Variants in SRR observed in about 807,000 individuals in gnomAD.
SRR encodes the protein serine racemase.
SRR carries 19 observed loss-of-function variants against 32.7 expected under a neutral mutation model. That is an observed-to-expected ratio of 0.58 (90% confidence interval 0.40 to 0.85). The LOEUF (loss-of-function observed/expected upper bound fraction) is 0.85, where lower values mean the gene tolerates loss of function less well. Among genes scored for constraint, SRR ranks in the 40% least tolerant of loss-of-function variants. The probability of loss-of-function intolerance (pLI) is 0.00; values close to 1 mark genes in which losing one functional copy is unlikely to be tolerated. For missense variants in SRR, 373 were observed against 404.7 expected (o/e 0.92, Z 0.67); for synonymous variants, 142 against 140.9 (o/e 1.01, Z -0.06).
chr17:2,315,832 G>T, intron 2 of SRR, 104 bp downstream of exon 2: 1 of 1,107,852 alleles, frequency 9.0e-7, no homozygotes, highest in Admixed American at 2.7e-5. Flanking sequence ...GTAAATTAAT[G>T]CCTTTATACA....
intron 1 of SRR, among the ~76,000 whole-genome samples, chr17:2,310,523 CATTT>C (rs2075425926): frequency 6.6e-6 from 1 of 151,880 alleles, no homozygotes; most frequent in African/African-American, 2.4e-5. Flanking sequence ...GCATAATTGA[CATTT>C]ATTCATAAAA....
intron 2 of SRR, 146 bp from the exon 3 acceptor site, chr17:2,317,724 T>C (rs1459864869): frequency 2.3e-5 from 19 of 815,540 alleles, no homozygotes; most frequent in Non-Finnish European, 3.3e-5. Context: ...AAAATAAAGA[T>C]GCACATGAGA....
chr17:2,304,333 C>T (rs12947310), intron 1 of SRR, among the ~76,000 whole-genome samples: 2 of 74,890 alleles, frequency 2.7e-5, no homozygotes, highest in African/African-American at 1.0e-4. Flanking sequence ...CTCACTGCAA[C>T]CTCTGCCTCC....
intron 6 of SRR, chr17:2,322,803 A>G (rs922684286): frequency 7.3e-5 from 23 of 316,904 alleles, no homozygotes; most frequent in African/African-American, 4.8e-4. Context: ...GGCGTGAGCC[A>G]CTGCGCCCCA....
intron 4 of SRR, among the ~76,000 whole-genome samples, chr17:2,319,313 C>T (rs1415857064): frequency 2.6e-5 from 4 of 152,082 alleles, no homozygotes; most frequent in African/African-American, 9.7e-5. Context: ...CTTCTAGTTA[C>T]TCAAAAAAAA....
chr17:2,310,617 C>T (rs1054954466), intron 1 of SRR, among the ~76,000 whole-genome samples: 56 of 151,684 alleles, frequency 3.7e-4, no homozygotes, highest in African/African-American at 1.3e-3. Flanking sequence ...CTCACTCTGT[C>T]GCCCAGGCTG....
intron 1 of SRR, among the ~76,000 whole-genome samples, chr17:2,310,510 G>A (rs1015980269): frequency 3.3e-5 from 5 of 151,858 alleles, no homozygotes; most frequent in African/African-American, 9.7e-5. Context: ...TCCTGCCAAG[G>A]GGGCATAATT....
rs762276377 is a variant in SRR at position 2,324,191 on chromosome 17, A to G, written c.*318A>G. The G allele has an allele frequency of 5.3e-6, 8 of 1,516,620 alleles. No individual in the cohort carries two copies. The highest frequency in any genetic ancestry group is 4.7e-5 in the Admixed American group (2 of 42,988). The allele number at this position is 1,516,620 out of a possible 1,614,324, so 93.9% of individuals were successfully genotyped here. A position where few individuals can be genotyped will look rare whatever the true frequency, so the allele number is the denominator to read the frequency against. Reference sequence around the variant, plus strand: ...CACCGGTAAGACAGAATCTCTTTGAATCCATTACTCCATGCCCCCTTGAGG... The same window carrying G: ...CACCGGTAAGACAGAATCTCTTTGAGTCCATTACTCCATGCCCCCTTGAGG... On this transcript the variant is annotated 3_prime_UTR_variant, in exon 8 of 8. Transcript: ENST00000344595.
chr17:2,320,779 C>T (rs2075521630), intron 4 of SRR, among the ~76,000 whole-genome samples: 1 of 152,146 alleles, frequency 6.6e-6, no homozygotes, highest in Non-Finnish European at 1.5e-5. Context: ...CAAGGCTGGT[C>T]TTGAACTCCT....
At chr17:2,318,991 C>T in intron 4 of SRR, 62 bp downstream of exon 4, 1 of 1,162,362 alleles carries the variant, frequency 8.6e-7, no homozygotes, top group Non-Finnish European at 1.3e-6. Context: ...GCTCTTTCTA[C>T]CTTACTGGCT....
chr17:2,319,189 A>G (rs1218150252), intron 4 of SRR, among the ~76,000 whole-genome samples: 1 of 152,060 alleles, frequency 6.6e-6, no homozygotes, highest in Non-Finnish European at 1.5e-5. Flanking sequence ...TAACTTTCCC[A>G]CTTGATGTCT....
intron 3 of SRR, 138 bp from the exon 4 acceptor site, chr17:2,318,688 T>A: frequency 2.0e-6 from 1 of 499,424 alleles, no homozygotes. Flanking sequence ...GCCAGGATGG[T>A]CTCAATTTCC....
intron 2 of SRR, among the ~76,000 whole-genome samples, chr17:2,316,139 C>T (rs2075471061): frequency 6.6e-6 from 1 of 152,062 alleles, no homozygotes; most frequent in Non-Finnish European, 1.5e-5. Flanking sequence ...TACAGAAATA[C>T]TTCTCATTGT....
At position 2,317,991 on chromosome 17, in the gene SRR, T is replaced by G; in HGVS notation, c.290T>G (p.Leu97Trp). The change falls in exon 3 of 8, where the codon TTG (leucine) becomes TGG (tryptophan). Residue 97 changes from leucine (L) to tryptophan (W), a missense_variant. Physicochemically the swap from Leu to Trp is moderately conservative, Grantham distance 61 (BLOSUM62 -2). Transcript: ENST00000344595. ...CAGGCTCTCACCTATGCTGCCAAAT[T>G]GGAAGGTACTTGATTTCTCAAGGTA... ...HGQALTYAAK[L>W]EGIPAYIVVP... The G allele has an allele frequency of 6.2e-7, 1 of 1,612,388 alleles. No homozygotes were observed. Among genetic ancestry groups the G allele is most frequent in the Non-Finnish European group, 8.5e-7 (1 of 1,179,100 alleles).
intron 2 of SRR, 71 bp from the exon 3 acceptor site, chr17:2,317,799 C>A: frequency 6.6e-7 from 1 of 1,524,228 alleles, no homozygotes; most frequent in South Asian, 1.2e-5. Flanking sequence ...GATAGAAAAT[C>A]TAGAAAAGCT....
rs1293707734 is a variant in SRR, at chr17:2,323,736, C to G, written c.886C>G (p.Gln296Glu). Residue 296 changes from glutamine to glutamate, a missense_variant, in exon 8 of 8, where the codon CAA becomes GAA. Coordinates refer to ENST00000344595, the MANE Select transcript of SRR (RefSeq NM_021947.3). ...TGTTGGAGTGGCTGCTGTGCTGTCT[C>G]AACATTTTCAAACTGTTTCCCCAGA... Reference protein sequence around the residue: ...AGVGVAAVLSQHFQTVSPEVK... With the variant: ...AGVGVAAVLSEHFQTVSPEVK... 1.2e-6 allele frequency: 2 copies of G among 1,614,036 alleles called. No homozygotes were observed. The highest frequency in any genetic ancestry group is 1.7e-6 in the Non-Finnish European group (2 of 1,180,038).
chr17:2,306,821 T>C, intron 1 of SRR: 2 of 772,456 alleles, frequency 2.6e-6, no homozygotes, highest in Non-Finnish European at 4.6e-6. Flanking sequence ...ATTGGAGGGC[T>C]GAGCTTTGAA....
At chr17:2,317,539 C>T (rs971070842) in intron 2 of SRR, among the ~76,000 whole-genome samples, 1 of 151,286 alleles carries the variant, frequency 6.6e-6, no homozygotes, top group Non-Finnish European at 1.5e-5. Flanking sequence ...AAAAATTTAG[C>T]CGGGCATGGT....
intron 4 of SRR, 89 bp from the exon 5 acceptor site, chr17:2,321,217 A>T (rs2075525308): frequency 6.8e-7 from 1 of 1,480,292 alleles, no homozygotes. Flanking sequence ...AAAAAAGTAG[A>T]TGGTCAATAA....
Sources: gnomAD v4.1 joint callset for allele counts (sites outside exome capture counted in the v4.1 genomes callset) on GRCh38, gnomAD v4.1.1 for gene constraint, MANE v1.5 for transcripts, NCBI Gene and HGNC (gene_info 2026-07-23, HGNC 2026-07-21) for gene names.